Variants in SEMA5A observed in about 807,000 individuals in gnomAD.
The protein encoded by SEMA5A is semaphorin 5A, also known as semaphorin-5A.
In SEMA5A, 55 loss-of-function variants were observed where a neutral mutation model predicts 135.5. The observed-to-expected ratio is 0.41, with a 90% CI of 0.33 to 0.51. The LOEUF (loss-of-function observed/expected upper bound fraction) is 0.51, where lower values mean the gene tolerates loss of function less well. Ranked by LOEUF, SEMA5A falls within the 20% of genes least tolerant of loss-of-function variation. The pLI is 0.37. For missense variants in SEMA5A, 1,290 were observed against 1,419.9 expected (o/e 0.91, Z 1.47); for synonymous variants, 580 against 546.5 (o/e 1.06, Z -0.85).
chr5:9,339,450 C>T (rs1045278873), intron 3 of SEMA5A, among the ~76,000 whole-genome samples: 2 of 151,674 alleles, frequency 1.3e-5, no homozygotes, highest in Admixed American at 6.6e-5. Context: ...CATTCCTGGG[C>T]AAAAGAGAAC....
At chr5:9,443,972 C>T (rs1184243593) in intron 1 of SEMA5A, among the ~76,000 whole-genome samples, 1 of 152,250 alleles carries the variant, frequency 6.6e-6, no homozygotes, top group Non-Finnish European at 1.5e-5. Context: ...GCATACCCCA[C>T]CCCTTCTCTC....
In SEMA5A at chr5:9,337,629, T is replaced by G. The variant is rs377534355; in HGVS notation, c.224+84A>C. ...TAATATTATTCAGCATTCTTCAGTT[T>G]TGTCAGTGAAGGTCACATGTAACTG... On this transcript the variant is annotated intron_variant, in intron 4 of 22. Transcript: ENST00000382496. The G allele has an allele frequency of 6.6e-5, 54 of 815,908 alleles. No homozygotes were observed. The East Asian group carries it at 6.7e-4, about 10-fold the overall frequency. 50.5% of individuals were successfully genotyped at this position (815,908 alleles called of 1,614,324 possible).
At chr5:9,058,892 C>G (rs1462082891) in intron 18 of SEMA5A, among the ~76,000 whole-genome samples, 1 of 152,146 alleles carries the variant, frequency 6.6e-6, no homozygotes, top group African/African-American at 2.4e-5. Context: ...ACACCAACTG[C>G]CCCCTGCCTG....
At chr5:9,253,980 G>A (rs1805988) in intron 5 of SEMA5A, among the ~76,000 whole-genome samples, 1,652 of 152,228 alleles carry the variant, frequency 0.011, 17 homozygotes, top group Non-Finnish European at 0.013. Context: ...CATTCCTTGA[G>A]GTTCAGTAAT....
At position 9,190,432 on chromosome 5, in the gene SEMA5A, C is replaced by T. The variant is rs138777488; in HGVS notation, c.1108G>A (p.Glu370Lys). 8.6e-5 allele frequency: 138 copies of T among 1,613,826 alleles called. No individual in the cohort carries two copies. The highest frequency in any genetic ancestry group is 3.1e-4 in the South Asian group (28 of 91,068). The change falls in exon 11 of 23, where the codon GAG (glutamate) becomes AAG (lysine). Residue 370 changes from glutamate (E) to lysine (K), a missense_variant. By Grantham distance (56) the Glu-to-Lys change is moderately conservative. Transcript: ENST00000382496. ...TTCTGAGCATCCTGCAGATTTCTCT[C>T]GGTCAGGTTCACGTACAGGCCCTGG... is the stretch of plus-strand genomic sequence containing the variant. The part of the protein sequence containing the change: ...VDQGLYVNLT[E>K]RNLQDAQKFI...
chr5:9,489,499 A>C (rs868481182), intron 1 of SEMA5A, among the ~76,000 whole-genome samples: 14 of 152,296 alleles, frequency 9.2e-5, no homozygotes, highest in African/African-American at 3.4e-4. Flanking sequence ...GTATTTTGCC[A>C]CAAGTAAATG....
At chr5:9,233,660 T>C (rs970232453) in intron 6 of SEMA5A, among the ~76,000 whole-genome samples, 30 of 152,218 alleles carry the variant, frequency 2.0e-4, no homozygotes, top group African/African-American at 7.2e-4. Flanking sequence ...ATTCCCTAAA[T>C]TGTACTTTTA....
chr5:9,307,141 C>A (rs941690488), intron 5 of SEMA5A, among the ~76,000 whole-genome samples: 8 of 152,150 alleles, frequency 5.3e-5, no homozygotes, highest in Non-Finnish European at 7.4e-5. Context: ...TTAAACTGAG[C>A]AACCAACCCA....
chr5:9,458,897 GC>G (rs1186486814), intron 1 of SEMA5A, among the ~76,000 whole-genome samples: 3 of 152,138 alleles, frequency 2.0e-5, no homozygotes, highest in African/African-American at 7.2e-5. Flanking sequence ...ATCCTTTAAT[GC>G]CCCCAGGGAC....
At chr5:9,237,027 A>C (rs1014248849) in intron 6 of SEMA5A, among the ~76,000 whole-genome samples, 5 of 152,212 alleles carry the variant, frequency 3.3e-5, no homozygotes, top group African/African-American at 1.2e-4. Context: ...TCCTAGGACC[A>C]ACTTTGCATA....
chr5:9,404,332 C>T (rs148664501), intron 2 of SEMA5A, among the ~76,000 whole-genome samples: 3,138 of 152,210 alleles, frequency 0.021, 46 homozygotes, highest in Non-Finnish European at 0.031. Flanking sequence ...TGGTGATACG[C>T]GTTTTCATTA....
intron 5 of SEMA5A, among the ~76,000 whole-genome samples, chr5:9,282,062 G>C (rs1287879802): frequency 6.6e-6 from 1 of 151,888 alleles, no homozygotes; most frequent in Non-Finnish European, 1.5e-5. Flanking sequence ...CCACCCATCA[G>C]AGCCTCCTAA....
intron 14 of SEMA5A, among the ~76,000 whole-genome samples, chr5:9,121,860 T>C (rs1375350822): frequency 1.3e-5 from 2 of 152,198 alleles, no homozygotes; most frequent in Admixed American, 1.3e-4. Context: ...TGGGCTCTCC[T>C]ACAATTTGAT....
At chr5:9,185,145 C>T (rs926478897) in intron 11 of SEMA5A, among the ~76,000 whole-genome samples, 1 of 152,188 alleles carries the variant, frequency 6.6e-6, no homozygotes, top group Admixed American at 6.5e-5. Flanking sequence ...CCATGCTGGT[C>T]TCAAACTTCT....
chr5:9,454,471 G>A (rs1758758796), intron 1 of SEMA5A, among the ~76,000 whole-genome samples: 1 of 152,152 alleles, frequency 6.6e-6, no homozygotes, highest in South Asian at 2.1e-4. Flanking sequence ...GTTCTGTGTT[G>A]AATTGAAAAA....
chr5:9,187,074 G>T (rs1381464433), intron 11 of SEMA5A, among the ~76,000 whole-genome samples: 3 of 151,474 alleles, frequency 2.0e-5, no homozygotes, highest in African/African-American at 4.9e-5. Flanking sequence ...TCAGCTTTTT[G>T]AATTCAAAAT....
chr5:9,372,035 T>C (rs896083343), intron 3 of SEMA5A, among the ~76,000 whole-genome samples: 1 of 152,256 alleles, frequency 6.6e-6, no homozygotes, highest in Non-Finnish European at 1.5e-5. Flanking sequence ...GACATTATCA[T>C]GCAATCACAC....
At chr5:9,381,954 G>GTGTGTGTGTGTA (rs1755630921) in intron 2 of SEMA5A, among the ~76,000 whole-genome samples, 1 of 122,484 alleles carries the variant, frequency 8.2e-6, no homozygotes, top group Non-Finnish European at 1.7e-5. Flanking sequence ...GTGTGTGTGT[G>GTGTGTGTGTGTA]TGTGTGTGTG....
intron 12 of SEMA5A, among the ~76,000 whole-genome samples, chr5:9,138,111 G>A (rs1741860741): frequency 6.6e-6 from 1 of 152,150 alleles, no homozygotes; most frequent in South Asian, 2.1e-4. Context: ...CTCAGAAGTA[G>A]GGCTAGGTTG....
Sources: gnomAD v4.1 joint callset for allele counts (sites outside exome capture counted in the v4.1 genomes callset) on GRCh38, gnomAD v4.1.1 for gene constraint, MANE v1.5 for transcripts, NCBI Gene and HGNC (gene_info 2026-07-23, HGNC 2026-07-21) for gene names.